The following VWA7 variants were observed in gnomAD, a reference collection of about 807,000 sequenced individuals.
The protein encoded by VWA7 is von Willebrand factor A domain-containing protein 7.
VWA7 carries 66 observed loss-of-function variants against 83.1 expected under a neutral mutation model. The observed-to-expected ratio is 0.79, with a 90% CI of 0.65 to 0.98. The LOEUF is 0.98. Ranked by LOEUF, VWA7 falls within the 50% of genes least tolerant of loss-of-function variation. The pLI is 0.00. For missense variants in VWA7, 1,080 were observed against 1,160.2 expected (o/e 0.93, Z 1.00); for synonymous variants, 424 against 488.5 (o/e 0.87, Z 1.74).
chr6:31,766,568 G>T lies in VWA7; in HGVS notation c.2079C>A (p.Ser693=), dbSNP rs3115671. 163,241 of 1,612,826 alleles carry T rather than the reference G, an allele frequency of 0.1. 10,297 individuals carry two copies. The highest frequency in any genetic ancestry group is 0.12 in the Non-Finnish European group (144,548 of 1,179,986). Residue 693 remains serine, a synonymous_variant, in exon 14 of 17, where the codon TCC becomes TCA. Coordinates refer to ENST00000375688, the MANE Select transcript of VWA7 (RefSeq NM_025258.3). The surrounding 1 kb of genome is among the most constrained non-coding windows in gnomAD (Gnocchi z 4.9). ...LAASLSPTLL[S]TPRPFSLELI... ...GCTCCAGGGAGAAGGGTCTAGGGGT[G>T]GACAGCAGCGTGGGCGACAGCGAGG...
Position 31,769,057 on chromosome 6 carries a change from T to A in VWA7, c.1464A>T (p.Arg488=), listed in dbSNP as rs562628301. ...EVIFTKDQHI[R]DVAAIVGESM... ...TCTCCCCAACAATGGCTGCCACGTCTCGAATGTGCTGGTCTTTGGTGAAGA... is the reference window on the plus strand; with the variant it reads ...TCTCCCCAACAATGGCTGCCACGTCACGAATGTGCTGGTCTTTGGTGAAGA... The change falls in exon 10 of 17, where the codon CGA becomes CGT. Residue 488 remains arginine, a synonymous_variant. Transcript: ENST00000375688. The surrounding 1 kb of genome is among the most constrained non-coding windows in gnomAD (Gnocchi z 4.5). 48 of 1,612,960 alleles carry A rather than the reference T, an allele frequency of 3.0e-5. No individual in the cohort carries two copies. The Admixed American group carries it at 4.8e-4, about 16-fold the overall frequency.
At position 31,777,218 on chromosome 6, in the gene VWA7, A is replaced by G; in HGVS notation, c.-125T>C. On this transcript the variant is annotated 5_prime_UTR_variant, in exon 1 of 17. Coordinates refer to ENST00000375688, the MANE Select transcript of VWA7 (RefSeq NM_025258.3). This position sits in a 1 kb window ranked among gnomAD's most constrained non-coding sequence, Gnocchi z 5.8. ...AGCAGAGGGGGAGGAAGGCCTCAAC[A>G]GGGTGGGGGAGGACAGGCAACCCCT... 2 of 406,506 alleles carry G rather than the reference A, an allele frequency of 4.9e-6. No individual in the cohort carries two copies. The highest frequency in any genetic ancestry group is 4.2e-5 in the East Asian group (1 of 23,636). 25.2% of individuals were successfully genotyped at this position (406,506 alleles called of 1,614,324 possible).
Position 31,773,389 on chromosome 6 carries a change from G to A in VWA7, c.770C>T (p.Pro257Leu), listed in dbSNP as rs747682613. The A allele has an allele frequency of 3.1e-6, 5 of 1,606,192 alleles. No homozygotes were observed. Among genetic ancestry groups the A allele is most frequent in the Admixed American group, 1.7e-5 (1 of 58,684 alleles). ...GCTGTCCTTGTTGATGCCTCCCCTC[G>A]GTGGCTGGGAGCTGCTCCGGTCAAA... The part of the protein sequence containing the change: ...GHFDRSSSQP[P>L]RGGINKDSTS... Residue 257 changes from proline (P) to leucine (L), a missense_variant, in exon 6 of 17, where the codon CCG becomes CTG. Transcript: ENST00000375688. The surrounding 1 kb of genome is among the most constrained non-coding windows in gnomAD (Gnocchi z 5.3).
Position 31,773,501 on chromosome 6 carries a change from G to A in VWA7, c.722-64C>T. 8.4e-6 allele frequency: 12 copies of A among 1,434,088 alleles called. No individual in the cohort carries two copies. The highest frequency in any genetic ancestry group is 2.6e-5 in the Admixed American group (1 of 38,140). 88.8% of individuals were successfully genotyped at this position (1,434,088 alleles called of 1,614,324 possible). On this transcript the variant is annotated intron_variant, in intron 5 of 16. Transcript: ENST00000375688. This position sits in a 1 kb window ranked among gnomAD's most constrained non-coding sequence, Gnocchi z 5.3. ...AACCCACTGCCTCCTAAGAAAATGA[G>A]GCCCTTTCAGGCCTGGCCTGACCCT...
rs993362892 is a variant in VWA7, at chr6:31,766,732, C to T, written c.1915G>A (p.Gly639Arg). 8.1e-6 allele frequency: 13 copies of T among 1,608,326 alleles called. No individual in the cohort carries two copies. Among genetic ancestry groups the T allele is most frequent in the East Asian group, 6.7e-5 (3 of 44,726 alleles). ...LQTQLLVEVT[G>R]LGSRANPGDP... is the part of the protein sequence containing the mutation. ...CCAGGATTGGCTCTGGAACCCAACC[C>T]TGTCACTTCTACCAGCAGCTGGGTC... The change falls in exon 14 of 17, where the codon GGG becomes AGG. Residue 639 changes from glycine (G) to arginine (R), a missense_variant. By Grantham distance (125) the Gly-to-Arg change is moderately radical. Transcript: ENST00000375688. This position sits in a 1 kb window ranked among gnomAD's most constrained non-coding sequence, Gnocchi z 4.9.
intron 4 of VWA7, 49 bp from the exon 5 acceptor site, chr6:31,774,675 C>T: frequency 6.6e-7 from 1 of 1,513,064 alleles, no homozygotes; most frequent in Non-Finnish European, 9.0e-7. Flanking sequence ...CACCCCCAGC[C>T]TTTATCCCCA....
In VWA7 at chr6:31,765,962, G is replaced by C; in HGVS notation, c.2420C>G (p.Thr807Ser). The change falls in exon 16 of 17, where the codon ACT (threonine) becomes AGT (serine). Residue 807 changes from threonine (T) to serine (S), a missense_variant. Coordinates refer to ENST00000375688, the MANE Select transcript of VWA7 (RefSeq NM_025258.3). Reference protein sequence around the residue: ...APDSVVMVTVTAGGREANPVP... With the variant: ...APDSVVMVTVSAGGREANPVP... ...TGGGTTGGCTTCTCGTCCCCCTGCAGTCACAGTCACCATCACCACGGAATC... is the reference window on the plus strand; with the variant it reads ...TGGGTTGGCTTCTCGTCCCCCTGCACTCACAGTCACCATCACCACGGAATC... 1.2e-6 allele frequency: 2 copies of C among 1,613,106 alleles called. No individual in the cohort carries two copies. The highest frequency in any genetic ancestry group is 1.7e-6 in the Non-Finnish European group (2 of 1,180,030).
Position 31,776,939 on chromosome 6 carries a change from G to GACAACCTGAGGGCCTC in VWA7, c.-16+154_-15-146dup, listed in dbSNP as rs1812745402. The GACAACCTGAGGGCCTC allele has an allele frequency of 4.1e-6, 2 of 484,068 alleles. No homozygotes were observed. The highest frequency in any genetic ancestry group is 7.2e-6 in the Non-Finnish European group (2 of 278,776). 30.0% of individuals were successfully genotyped at this position (484,068 alleles called of 1,614,324 possible). A position where few individuals can be genotyped will look rare whatever the true frequency, so the allele number is the denominator to read the frequency against. ...TTCCCCACCCTCTCGCTGTCACCCA[G>GACAACCTGAGGGCCTC]ACAACCTGAGGGCCTCATCGGACCA... On this transcript the variant is annotated intron_variant, in intron 1 of 16. Coordinates refer to ENST00000375688, the MANE Select transcript of VWA7 (RefSeq NM_025258.3). This position sits in a 1 kb window ranked among gnomAD's most constrained non-coding sequence, Gnocchi z 6.2.
At position 31,765,620 on chromosome 6, in the gene VWA7, G is replaced by T; in HGVS notation, c.2650C>A (p.Leu884Ile). ...CACCAGGAGGCCAGGCCTAGCAGAA[G>T]CAGCACCCCTCCAACTGTGCCCCAC... The part of the protein sequence containing the change: ...PWWGTVGGVL[L>I]LLGLASW The change falls in exon 17 of 17, where the codon CTT becomes ATT. Residue 884 changes from leucine (L) to isoleucine (I), a missense_variant. Transcript: ENST00000375688. 1 of 1,611,326 alleles carries T rather than the reference G, an allele frequency of 6.2e-7. No homozygotes were observed. The highest frequency in any genetic ancestry group is 8.5e-7 in the Non-Finnish European group (1 of 1,179,480).
At chr6:31,772,320 A>T (rs1812256858) in intron 7 of VWA7, among the ~76,000 whole-genome samples, 1 of 151,394 alleles carries the variant, frequency 6.6e-6, no homozygotes, top group African/African-American at 2.4e-5. Context: ...CATAATTTTT[A>T]TTAATTTTTT....
At chr6:31,770,376 C>T (rs928815502) in intron 7 of VWA7, among the ~76,000 whole-genome samples, 3 of 151,512 alleles carry the variant, frequency 2.0e-5, no homozygotes, top group South Asian at 2.1e-4. Context: ...CTCGTCTCTA[C>T]TAAAAAATAT....
At chr6:31,772,692 T>C (rs1256443897) in intron 7 of VWA7, among the ~76,000 whole-genome samples, 1 of 138,210 alleles carries the variant, frequency 7.2e-6, no homozygotes, top group African/African-American at 2.7e-5. Flanking sequence ...CTCTGCCTCC[T>C]GGGTTCAAGC....
Position 31,766,961 on chromosome 6 carries a change from T to G in VWA7, c.1882+197A>C, listed in dbSNP as rs1213703455. On this transcript the variant is annotated intron_variant, in intron 13 of 16. Coordinates refer to ENST00000375688, the MANE Select transcript of VWA7 (RefSeq NM_025258.3). The surrounding 1 kb of genome is among the most constrained non-coding windows in gnomAD (Gnocchi z 4.9). ...TGTTCTATATCCTGAACTGGGTGTA[T>G]TATATGAAATCCATCAAACTGTACA... Among the ~76,000 whole-genome samples the G allele has an allele frequency of 6.6e-6, 1 of 151,582 alleles. No individual in the cohort carries two copies. The highest frequency in any genetic ancestry group is 2.4e-5 in the African/African-American group (1 of 41,212).
chr6:31,769,018 C>G lies in VWA7; in HGVS notation c.1503G>C (p.Leu501=). 1 of 1,609,372 alleles carries G rather than the reference C, an allele frequency of 6.2e-7. No homozygotes were observed. The highest frequency in any genetic ancestry group is 8.5e-7 in the Non-Finnish European group (1 of 1,178,426). ...AGTGAGGGCCCTGGCCCCCACTTAC[C>G]AGGGCAGCCATGCTCTCCCCAACAA... ...AAIVGESMAA[L]VTLPLDPPVV... Residue 501 remains leucine, a splice_region_variant and synonymous_variant, in exon 10 of 17, where the codon CTG becomes CTC. Coordinates refer to ENST00000375688, the MANE Select transcript of VWA7 (RefSeq NM_025258.3). The surrounding 1 kb of genome is among the most constrained non-coding windows in gnomAD (Gnocchi z 4.5).
At chr6:31,774,711 C>G in intron 4 of VWA7, 85 bp from the exon 5 acceptor site, 1 of 1,166,574 alleles carries the variant, frequency 8.6e-7, no homozygotes, top group Non-Finnish European at 1.2e-6. Flanking sequence ...TCAGCTTCTC[C>G]TCCCAGCTGG....
Position 31,777,084 on chromosome 6 carries a change from T to C in VWA7, c.-16+25A>G. ...AAACACTCCCCATGCTCAGGAAGCCTGAGTCCTCTCAGGCCCTCCCCTACC... is the reference window on the plus strand; with the variant it reads ...AAACACTCCCCATGCTCAGGAAGCCCGAGTCCTCTCAGGCCCTCCCCTACC... On this transcript the variant is annotated intron_variant, in intron 1 of 16. Transcript: ENST00000375688. This position sits in a 1 kb window ranked among gnomAD's most constrained non-coding sequence, Gnocchi z 5.8. 2.5e-6 allele frequency: 1 copy of C among 395,244 alleles called. No individual in the cohort carries two copies. Among genetic ancestry groups the C allele is most frequent in the East Asian group, 3.9e-5 (1 of 25,960 alleles). The allele number at this position is 395,244 out of a possible 1,614,324, so 24.5% of individuals were successfully genotyped here.
In VWA7 at chr6:31,766,454, G is replaced by C; in HGVS notation, c.2184+9C>G. 6.3e-7 allele frequency: 1 copy of C among 1,585,072 alleles called. No homozygotes were observed. Among genetic ancestry groups the C allele is most frequent in the Non-Finnish European group, 8.6e-7 (1 of 1,164,884 alleles). ...CCAGCCCCAGCCGCACTTTCCCCTG[G>C]CGTCTCACCTCCAGAAGGACAGGGA... is the stretch of plus-strand genomic sequence containing the variant. On this transcript the variant is annotated intron_variant, in intron 14 of 16. Coordinates refer to ENST00000375688, the MANE Select transcript of VWA7 (RefSeq NM_025258.3). This position sits in a 1 kb window ranked among gnomAD's most constrained non-coding sequence, Gnocchi z 4.9.
At chr6:31,765,812 G>A (rs1156709939) in intron 16 of VWA7, 42 bp from the exon 17 acceptor site, 7 of 1,595,088 alleles carry the variant, frequency 4.4e-6, no homozygotes, top group Non-Finnish European at 4.3e-6. Flanking sequence ...TGCTAGAGCT[G>A]TACTCAAATT....
Position 31,776,429 on chromosome 6 carries a change from G to T in VWA7, c.234+117C>A. 1.6e-6 allele frequency: 2 copies of T among 1,221,456 alleles called. No homozygotes were observed. The highest frequency in any genetic ancestry group is 2.7e-5 in the Admixed American group (1 of 36,642). 75.7% of individuals were successfully genotyped at this position (1,221,456 alleles called of 1,614,324 possible). The stretch of plus-strand genomic sequence containing the variant: ...AGGACCAAGACTACTGGGTATTATT[G>T]CTGCAGGGGTGGGGCCATGGGTGTC... On this transcript the variant is annotated intron_variant, in intron 2 of 16. Transcript: ENST00000375688. The surrounding 1 kb of genome is among the most constrained non-coding windows in gnomAD (Gnocchi z 6.2).
Sources: allele counts gnomAD v4.1 joint callset (sites outside exome capture counted in the v4.1 genomes callset), GRCh38; gene constraint gnomAD v4.1.1; non-coding constraint Gnocchi (gnomAD v3.1); transcripts MANE v1.5; gene names NCBI Gene and HGNC (gene_info 2026-07-23, HGNC 2026-07-21).